Variants in PTPN2 observed in about 807,000 individuals in gnomAD.
PTPN2 encodes the protein protein tyrosine phosphatase non-receptor type 2.
Under a neutral mutation model 57.3 loss-of-function variants are expected in PTPN2, and 19 were observed. The ratio of observed to expected loss-of-function variants is 0.33; its 90% CI spans 0.23 to 0.49. The LOEUF (loss-of-function observed/expected upper bound fraction) is 0.49, where lower values mean the gene tolerates loss of function less well. Ranked by LOEUF, PTPN2 falls within the 20% of genes least tolerant of loss-of-function variation. PTPN2 has a pLI of 0.99. For missense variants in PTPN2, 358 were observed against 501.1 expected, an observed-to-expected ratio of 0.71 and a Z score of 2.73; for synonymous variants, 153 against 164.9, an observed-to-expected ratio of 0.93 and a Z score of 0.55.
chr18:12,883,404 G>A (rs1408853800), intron 1 of PTPN2, among the ~76,000 whole-genome samples: 1 of 152,216 alleles, frequency 6.6e-6, no homozygotes, highest in African/African-American at 2.4e-5. Context: ...AGGGTCCCGA[G>A]AGCGCTGCCC....
intron 1 of PTPN2, among the ~76,000 whole-genome samples, chr18:12,881,105 C>A (rs1004970208): frequency 6.6e-6 from 1 of 152,198 alleles, no homozygotes; most frequent in Non-Finnish European, 1.5e-5. Flanking sequence ...CTTTCCTCAT[C>A]CAGTCTGCTA....
At chr18:12,829,123 C>T (rs997063580) in intron 4 of PTPN2, among the ~76,000 whole-genome samples, 4 of 152,096 alleles carry the variant, frequency 2.6e-5, no homozygotes, top group African/African-American at 9.7e-5. Flanking sequence ...GTCTCAAACT[C>T]CTGGGCTCAA....
chr18:12,873,276 C>T (rs1022991659), intron 1 of PTPN2, among the ~76,000 whole-genome samples: 18 of 130,958 alleles, frequency 1.4e-4, no homozygotes, highest in Non-Finnish European at 6.9e-5. Context: ...CCTCTCCCCA[C>T]GGTCTCCGTC....
chr18:12,790,779 C>T (rs183555947), downstream of PTPN2, among the ~76,000 whole-genome samples: 1 of 152,346 alleles, frequency 6.6e-6, no homozygotes, highest in Non-Finnish European at 1.5e-5. Context: ...AGAGGACAGG[C>T]ACAAGTGCAC....
At chr18:12,817,494 T>A in intron 5 of PTPN2, 129 bp from the exon 6 acceptor site, 2 of 718,936 alleles carry the variant, frequency 2.8e-6, no homozygotes, top group Non-Finnish European at 4.6e-6. Context: ...ATTTTTCCAT[T>A]TGTTTTCTGA....
At chr18:12,880,368 G>A (rs529855292) in intron 1 of PTPN2, 1 of 152,306 alleles carries the variant, frequency 6.6e-6, no homozygotes, top group Admixed American at 6.5e-5. Context: ...GTGAGCAACG[G>A]AAAGCCGTTC....
chr18:12,793,300 T>C lies in PTPN2; in HGVS notation c.*978A>G, dbSNP rs2041039156. On this transcript the variant is annotated 3_prime_UTR_variant, in exon 9 of 9. Coordinates refer to ENST00000309660, the MANE Select transcript of PTPN2 (RefSeq NM_002828.4). ...ATTGAAGTAGAAAGAAACTGAAAAG[T>C]GTTTACTTCAAAACTTCAGTCTAGT... 1 of 972,606 alleles carries C rather than the reference T, an allele frequency of 1.0e-6. No homozygotes were observed. Among genetic ancestry groups the C allele is most frequent in the Non-Finnish European group, 1.2e-6 (1 of 817,864 alleles). The allele number at this position is 972,606 out of a possible 1,614,324, so 60.2% of individuals were successfully genotyped here. A position where few individuals can be genotyped will look rare whatever the true frequency, so the allele number is the denominator to read the frequency against.
intron 3 of PTPN2, among the ~76,000 whole-genome samples, chr18:12,836,324 A>C (rs2042865667): frequency 6.6e-6 from 1 of 152,186 alleles, no homozygotes; most frequent in South Asian, 2.1e-4. Context: ...CCTCTGGAGC[A>C]CCTGGTCTCA....
intron 8 of PTPN2, among the ~76,000 whole-genome samples, chr18:12,797,983 C>T (rs2041256741): frequency 6.6e-6 from 1 of 152,176 alleles, no homozygotes; most frequent in Admixed American, 6.5e-5. Flanking sequence ...GCCTCAGCCT[C>T]CCCGAGTGTT....
At chr18:12,858,796 A>G (rs1406588982) in intron 2 of PTPN2, among the ~76,000 whole-genome samples, 2 of 152,206 alleles carry the variant, frequency 1.3e-5, no homozygotes, top group East Asian at 3.8e-4. Flanking sequence ...ACCAAACTAC[A>G]CCAATAACTA....
chr18:12,802,058 T>C lies in PTPN2; in HGVS notation c.952A>G (p.Ile318Val), dbSNP rs746902207. 1 of 1,612,818 alleles carries C rather than the reference T, an allele frequency of 6.2e-7. No individual in the cohort carries two copies. Among genetic ancestry groups the C allele is most frequent in the Non-Finnish European group, 8.5e-7 (1 of 1,179,418 alleles). Reference sequence around the variant, plus strand: ...GTCAGTTTTTCTTCTTCTAGACCTATTCTGTTCCCATTGTATTTTTCAGTC... The same window carrying C: ...GTCAGTTTTTCTTCTTCTAGACCTACTCTGTTCCCATTGTATTTTTCAGTC... ...IMTEKYNGNR[I>V]GLEEEKLTGD... Residue 318 changes from isoleucine (I) to valine (V), a missense_variant, in exon 8 of 9, where the codon ATA (isoleucine) becomes GTA (valine). Ile to Val is a conservative substitution (Grantham distance 29). Transcript: ENST00000309660.
chr18:12,828,678 T>G (rs571805532), intron 4 of PTPN2, among the ~76,000 whole-genome samples: 2 of 152,328 alleles, frequency 1.3e-5, no homozygotes, highest in South Asian at 4.1e-4. Flanking sequence ...TCTTGAAGTA[T>G]GTTATCTTAA....
At chr18:12,826,394 C>T (rs2042460678) in intron 4 of PTPN2, among the ~76,000 whole-genome samples, 1 of 152,108 alleles carries the variant, frequency 6.6e-6, no homozygotes, top group Non-Finnish European at 1.5e-5. Context: ...CAGAGCAAGA[C>T]TCCATCTCGG....
chr18:12,850,680 C>A (rs2043362752), intron 2 of PTPN2, among the ~76,000 whole-genome samples: 1 of 150,926 alleles, frequency 6.6e-6, no homozygotes, highest in Non-Finnish European at 1.5e-5. Context: ...AAATGTTTAT[C>A]TTTTTATTAA....
intron 1 of PTPN2, among the ~76,000 whole-genome samples, chr18:12,873,813 G>C (rs1457049190): frequency 6.6e-6 from 1 of 152,044 alleles, no homozygotes; most frequent in Admixed American, 6.5e-5. Context: ...GAGCATCTCT[G>C]CCCGGCCGCC....
At chr18:12,873,479 G>A (rs1038834027) in intron 1 of PTPN2, among the ~76,000 whole-genome samples, 19 of 152,344 alleles carry the variant, frequency 1.2e-4, no homozygotes, top group African/African-American at 4.1e-4. Flanking sequence ...TGGGGGAGAC[G>A]GGGTTTCGCT....
At chr18:12,870,342 CATATATATGT>C (rs1568168724) in intron 1 of PTPN2, among the ~76,000 whole-genome samples, 934 of 32,662 alleles carry the variant, frequency 0.029, 64 homozygotes, top group South Asian at 0.057. Context: ...TATATATATA[CATATATATGT>C]GTATATATAT....
chr18:12,874,300 TG>T (rs1271542848), intron 1 of PTPN2, among the ~76,000 whole-genome samples: 3 of 106,890 alleles, frequency 2.8e-5, no homozygotes, highest in African/African-American at 7.7e-5. Flanking sequence ...GGGAGGGAGG[TG>T]GGGGGGTCAG....
chr18:12,818,431 A>T (rs1230998968), intron 5 of PTPN2, among the ~76,000 whole-genome samples: 1 of 152,206 alleles, frequency 6.6e-6, no homozygotes, highest in Non-Finnish European at 1.5e-5. Context: ...GTTTACCAAC[A>T]TGCTAAATGT....
Sources: allele counts gnomAD v4.1 joint callset (sites outside exome capture counted in the v4.1 genomes callset), GRCh38; gene constraint gnomAD v4.1.1; transcripts MANE v1.5; gene names NCBI Gene and HGNC (gene_info 2026-07-23, HGNC 2026-07-21).